The following LRRC37A2 variants were observed in gnomAD, a reference collection of about 807,000 sequenced individuals.
LRRC37A2 encodes leucine-rich repeat-containing protein 37A2.
LRRC37A2 carries 9 observed loss-of-function variants against 68.8 expected under a neutral mutation model. That is an observed-to-expected ratio of 0.13 (90% CI 0.08 to 0.23). The LOEUF (loss-of-function observed/expected upper bound fraction) is 0.23. LRRC37A2 is among the 10% of genes least tolerant of loss of function. The pLI, the probability that LRRC37A2 is intolerant of heterozygous loss-of-function variation, is 1.00. For missense variants in LRRC37A2, 168 were observed against 950.4 expected, an observed-to-expected ratio of 0.18 and a Z score of 10.82; for synonymous variants, 63 against 367.6, an observed-to-expected ratio of 0.17 and a Z score of 9.48.
chr17:46,711,218 G>A, the LRRC37A2 span: 5 of 1,126,948 alleles, frequency 4.4e-6, no homozygotes, highest in South Asian at 2.3e-5. Context: ...ATTCTTTTTC[G>A]TTTTTAACCT....
the LRRC37A2 span, among the ~76,000 whole-genome samples, chr17:46,717,833 A>C: frequency 6.6e-6 from 1 of 152,194 alleles, no homozygotes; most frequent in African/African-American, 2.4e-5. Flanking sequence ...ACGCTTAACA[A>C]CTTTGACAAG....
chr17:46,919,738 G>C, the LRRC37A2 span, among the ~76,000 whole-genome samples: 2 of 152,104 alleles, frequency 1.3e-5, no homozygotes, highest in South Asian at 4.1e-4. Flanking sequence ...TCTGAGGTCG[G>C]GAGTTCGAGA....
At chr17:46,765,769 G>A in the LRRC37A2 span, among the ~76,000 whole-genome samples, 2 of 152,252 alleles carry the variant, frequency 1.3e-5, no homozygotes, top group South Asian at 2.1e-4. Context: ...TGCCCTGTGA[G>A]CAGCTGGGTC....
At chr17:46,939,701 G>A in the LRRC37A2 span, 7 of 985,700 alleles carry the variant, frequency 7.1e-6, no homozygotes, top group Non-Finnish European at 7.2e-6. Context: ...CAGCCAGTGT[G>A]GGCAGATCCC....
chr17:46,769,574 T>G, the LRRC37A2 span, among the ~76,000 whole-genome samples: 1 of 150,992 alleles, frequency 6.6e-6, no homozygotes, highest in Non-Finnish European at 1.5e-5. Context: ...TCATCCCGGG[T>G]GGGGTGGAGT....
At chr17:46,825,892 G>A in the LRRC37A2 span, among the ~76,000 whole-genome samples, 5 of 152,306 alleles carry the variant, frequency 3.3e-5, no homozygotes, top group African/African-American at 9.6e-5. Context: ...GCATGGTGGC[G>A]CATGCCTGTA....
the LRRC37A2 span, among the ~76,000 whole-genome samples, chr17:46,868,439 C>T: frequency 6.6e-6 from 1 of 151,596 alleles, no homozygotes; most frequent in East Asian, 1.9e-4. Context: ...TAAAAATACA[C>T]AAAAAAAATA....
the LRRC37A2 span, among the ~76,000 whole-genome samples, chr17:46,934,317 A>G: frequency 6.6e-6 from 1 of 152,210 alleles, no homozygotes; most frequent in African/African-American, 2.4e-5. Context: ...AGCCTGAGCA[A>G]CATGGTGAAA....
At chr17:46,932,272 G>T in the LRRC37A2 span, 1 of 1,572,254 alleles carries the variant, frequency 6.4e-7, no homozygotes. Context: ...ATCTCTGAGC[G>T]CCATCTGTTT....
the LRRC37A2 span, among the ~76,000 whole-genome samples, chr17:46,950,690 G>T: frequency 6.6e-6 from 1 of 152,182 alleles, no homozygotes; most frequent in African/African-American, 2.4e-5. Flanking sequence ...CCTGCCCGGG[G>T]CCCTGCTCAG....
chr17:46,867,137 T>C, the LRRC37A2 span, among the ~76,000 whole-genome samples: 11 of 152,334 alleles, frequency 7.2e-5, no homozygotes, highest in African/African-American at 2.6e-4. Flanking sequence ...CTTGGGGCCT[T>C]GAGAGAGTCT....
At chr17:46,711,196 C>A in the LRRC37A2 span, 1 of 1,304,476 alleles carries the variant, frequency 7.7e-7, no homozygotes, top group Non-Finnish European at 1.0e-6. Flanking sequence ...TAAGCACATT[C>A]TAGAAAAGTG....
At chr17:46,773,938 G>A in the LRRC37A2 span, 1 of 1,606,686 alleles carries the variant, frequency 6.2e-7, no homozygotes, top group East Asian at 2.2e-5. Context: ...TAGTAACACT[G>A]TGGGCACAAA....
chr17:46,457,623 CA>C, the LRRC37A2 span, among the ~76,000 whole-genome samples: 5 of 108,194 alleles, frequency 4.6e-5, no homozygotes, highest in Non-Finnish European at 1.1e-4. Context: ...CTGAACAGAA[CA>C]AAAAGGCTTA....
chr17:46,933,441 A>G, the LRRC37A2 span: 1 of 152,232 alleles, frequency 6.6e-6, no homozygotes, highest in South Asian at 2.1e-4. Context: ...AAACGCCAGC[A>G]TCTTCTGACA....
the LRRC37A2 span, among the ~76,000 whole-genome samples, chr17:46,903,644 C>G: frequency 2.0e-5 from 3 of 152,104 alleles, no homozygotes; most frequent in African/African-American, 7.3e-5. Context: ...GTACCCTACA[C>G]CAAATCTGGC....
chr17:46,900,226 T>G, the LRRC37A2 span, among the ~76,000 whole-genome samples: 1 of 134,408 alleles, frequency 7.4e-6, no homozygotes, highest in African/African-American at 3.3e-5. Context: ...CACACATATA[T>G]ATATATATAC....
chr17:46,974,987 C>CTTTTTTTTT, the LRRC37A2 span, among the ~76,000 whole-genome samples: 98 of 119,048 alleles, frequency 8.2e-4, 3 homozygotes, highest in Non-Finnish European at 1.2e-3. Flanking sequence ...TTACTATTTT[C>CTTTTTTTTT]TTTTTTTTTT....
chr17:46,889,124 C>A, the LRRC37A2 span, among the ~76,000 whole-genome samples: 1 of 152,094 alleles, frequency 6.6e-6, no homozygotes, highest in Non-Finnish European at 1.5e-5. Context: ...GCAACTCAAC[C>A]TTTATTCGTA....
Sources: allele counts gnomAD v4.1 joint callset (sites outside exome capture counted in the v4.1 genomes callset), GRCh38; gene constraint gnomAD v4.1.1; transcripts MANE v1.5; gene names NCBI Gene and HGNC (gene_info 2026-07-23, HGNC 2026-07-21).